The following SCNN1A variants were observed in gnomAD, a reference collection of about 807,000 sequenced individuals.
SCNN1A encodes epithelial sodium channel subunit alpha.
Under a neutral mutation model 68.6 loss-of-function variants are expected in SCNN1A, and 65 were observed. The ratio of observed to expected loss-of-function variants is 0.95; its 90% confidence interval spans 0.78 to 1.16. The LOEUF (loss-of-function observed/expected upper bound fraction) is 1.16. Among genes scored for constraint, SCNN1A ranks in the 50% most tolerant of loss-of-function variants. The pLI, the probability that SCNN1A is intolerant of heterozygous loss-of-function variation, is 0.00. For synonymous variants in SCNN1A, 357 were observed against 353.3 expected, an observed-to-expected ratio of 1.01 and a Z score of -0.12; for missense variants, 880 against 865.9, an observed-to-expected ratio of 1.02 and a Z score of -0.20.
At chr12:6,357,932 A>T (rs539278873) in intron 4 of SCNN1A, among the ~76,000 whole-genome samples, 2 of 152,274 alleles carry the variant, frequency 1.3e-5, no homozygotes, top group South Asian at 2.1e-4. Flanking sequence ...TGGGAGGTGG[A>T]GGTTGTCATG....
At position 6,348,777 on chromosome 12, in the gene SCNN1A, A is replaced by T. The variant is rs752700795; in HGVS notation, c.1579T>A (p.Phe527Ile). The T allele has an allele frequency of 1.1e-5, 17 of 1,613,760 alleles. No individual in the cohort carries two copies. Among genetic ancestry groups the T allele is most frequent in the Non-Finnish European group, 1.4e-5 (16 of 1,179,968 alleles). Residue 527 changes from phenylalanine to isoleucine, a missense_variant, in exon 12 of 13, where the codon TTC (phenylalanine) becomes ATC (isoleucine). Physicochemically the swap from Phe to Ile is conservative, Grantham distance 21. Coordinates refer to ENST00000228916, the MANE Select transcript of SCNN1A (RefSeq NM_001038.6). ...KRNGVAKVNI[F>I]FKELNYKTNS... is the part of the protein sequence containing the mutation. ...GTTTTGTAGTTCAGCTCCTTGAAGA[A>T]GATGTTGACTTTGGCCACTCCATTT...
Position 6,354,449 on chromosome 12 carries a change from T to G in SCNN1A, c.1349A>C (p.His450Pro). The part of the protein sequence containing the change: ...QNVEYCDYRK[H>P]SSWGYCYYKL... ...CCCTGGAGTCTCACCCCAGGAACTG[T>G]GCTTTCTGTAGTCACAGTACTCCAC... Residue 450 changes from histidine to proline, a missense_variant, in exon 8 of 13, where the codon CAC (histidine) becomes CCC (proline). His to Pro is a moderately conservative substitution (Grantham distance 77). This residue lies in a region of SCNN1A where 758 missense variants were observed against 721.8 expected (regional missense o/e 1.05). Transcript: ENST00000228916. 6.2e-7 allele frequency: 1 copy of G among 1,611,570 alleles called. No homozygotes were observed. The highest frequency in any genetic ancestry group is 8.5e-7 in the Non-Finnish European group (1 of 1,178,850).
Position 6,363,688 on chromosome 12 carries a change from G to T in SCNN1A, c.439C>A (p.Leu147Met). The T allele has an allele frequency of 3.1e-6, 5 of 1,601,656 alleles. No individual in the cohort carries two copies. The highest frequency in any genetic ancestry group is 4.3e-6 in the Non-Finnish European group (5 of 1,173,190). ...PYRYPEIKEE[L>M]EELDRITEQT... ...TCTGTGATGCGGTCCAGCTCCTCCA[G>T]CTCCTCTTTAATTTCCGGGTACCTG... The change falls in exon 3 of 13, where the codon CTG (leucine) becomes ATG (methionine). Residue 147 changes from leucine (L) to methionine (M), a missense_variant. Coordinates refer to ENST00000228916, the MANE Select transcript of SCNN1A (RefSeq NM_001038.6).
intron 5 of SCNN1A, 87 bp from the exon 6 acceptor site, chr12:6,355,522 C>G: frequency 6.7e-7 from 1 of 1,493,808 alleles, no homozygotes; most frequent in South Asian, 1.2e-5. Context: ...CTTCCTTGCC[C>G]AGTCTCTAAA....
At chr12:6,368,830 CG>C (rs1948724379) in intron 2 of SCNN1A, among the ~76,000 whole-genome samples, 1 of 152,160 alleles carries the variant, frequency 6.6e-6, no homozygotes, top group Non-Finnish European at 1.5e-5. Context: ...CTGTGTAACT[CG>C]GGGTAAGTGA....
At chr12:6,375,661 T>G, upstream of SCNN1A, 1 of 1,471,012 alleles carries the variant, frequency 6.8e-7, no homozygotes, top group Non-Finnish European at 9.0e-7. Context: ...GAAGGAGGGC[T>G]CCCGAGGGCA....
chr12:6,375,198 C>T, intron 1 of SCNN1A: 1 of 1,448,190 alleles, frequency 6.9e-7, no homozygotes, highest in African/African-American at 1.4e-5. Flanking sequence ...TCCTGCCTCT[C>T]ACTCCCTCTC....
chr12:6,355,201 C>T, intron 6 of SCNN1A, 71 bp downstream of exon 6: 2 of 1,532,892 alleles, frequency 1.3e-6, no homozygotes, highest in Non-Finnish European at 1.8e-6. Context: ...CCTCTCCAGC[C>T]TCCCATGCCT....
intron 6 of SCNN1A, 97 bp from the exon 7 acceptor site, chr12:6,354,945 G>T: frequency 9.7e-7 from 1 of 1,032,198 alleles, no homozygotes; most frequent in Non-Finnish European, 1.5e-6. Context: ...ACACCTGCCA[G>T]CCCCTCCTAC....
chr12:6,371,442 A>G (rs768765524), intron 2 of SCNN1A, among the ~76,000 whole-genome samples: 2 of 151,358 alleles, frequency 1.3e-5, no homozygotes, highest in Non-Finnish European at 2.9e-5. Flanking sequence ...TGTAATGGGT[A>G]AAAGAGCTTT....
intron 3 of SCNN1A, among the ~76,000 whole-genome samples, chr12:6,363,122 A>T (rs1250673393): frequency 7.0e-6 from 1 of 143,870 alleles, no homozygotes; most frequent in East Asian, 2.4e-4. Flanking sequence ...TGAATCAAGG[A>T]CCAGAAACAG....
intron 4 of SCNN1A, among the ~76,000 whole-genome samples, chr12:6,360,427 G>A (rs1290022040): frequency 5.9e-5 from 9 of 152,080 alleles, no homozygotes; most frequent in African/African-American, 1.9e-4. Flanking sequence ...ACAGAGCAAA[G>A]GGAGGCATCG....
intron 2 of SCNN1A, 153 bp from the exon 3 acceptor site, chr12:6,363,863 C>A (rs534610039): frequency 6.3e-6 from 4 of 638,264 alleles, no homozygotes; most frequent in Middle Eastern, 4.4e-4. Flanking sequence ...TCCTGGCCGT[C>A]CGGCGGTGAA....
At chr12:6,354,953 T>C (rs1948471025) in intron 6 of SCNN1A, 105 bp from the exon 7 acceptor site, 1 of 974,194 alleles carries the variant, frequency 1.0e-6, no homozygotes, top group Non-Finnish European at 1.6e-6. Context: ...CAGCCCCTCC[T>C]ACTGGCCTCG....
chr12:6,348,387 A>G (rs1948302379), intron 12 of SCNN1A, 134 bp from the exon 13 acceptor site: 1 of 1,528,956 alleles, frequency 6.5e-7, no homozygotes, highest in African/African-American at 1.4e-5. Flanking sequence ...GCCTCTCAGC[A>G]GCCCCCTGGG....
intron 2 of SCNN1A, 85 bp from the exon 3 acceptor site, chr12:6,363,795 C>T (rs1948626329): frequency 3.7e-6 from 5 of 1,338,794 alleles, no homozygotes; most frequent in East Asian, 2.6e-5. Flanking sequence ...TCATCTGTGC[C>T]CCGGGAGGCC....
chr12:6,377,102 G>A, upstream of SCNN1A: 1 of 604,192 alleles, frequency 1.7e-6, no homozygotes, highest in Non-Finnish European at 2.9e-6. Flanking sequence ...TGACAAGCAA[G>A]GAGTTTAGCA....
chr12:6,355,977 C>G, intron 4 of SCNN1A, 97 bp from the exon 5 acceptor site: 1 of 846,188 alleles, frequency 1.2e-6, no homozygotes, highest in Non-Finnish European at 2.1e-6. Flanking sequence ...CTCTTAAACT[C>G]CTACAGGACT....
Position 6,354,501 on chromosome 12 carries a change from A to G in SCNN1A, c.1297T>C (p.Tyr433His). 6.2e-7 allele frequency: 1 copy of G among 1,613,842 alleles called. No homozygotes were observed. The highest frequency in any genetic ancestry group is 8.5e-7 in the Non-Finnish European group (1 of 1,179,974). Residue 433 changes from tyrosine to histidine, a missense_variant, in exon 8 of 13, where the codon TAC (tyrosine) becomes CAC (histidine). Tyr to His is a moderately conservative substitution (Grantham distance 83). Around this residue, in one of 3 missense-constraint regions of SCNN1A, gnomAD observed 758 missense variants for 721.8 expected, o/e 1.05. Coordinates refer to ENST00000228916, the MANE Select transcript of SCNN1A (RefSeq NM_001038.6). ...ESMIKECGCAYIFYPRPQNVE... is the reference protein window; with the variant it reads ...ESMIKECGCAHIFYPRPQNVE... ...TTCTGGGGCCGCGGATAGAAGATGT[A>G]GGCACAGCCACACTCCTTGATCATG...
Sources: allele counts gnomAD v4.1 joint callset (sites outside exome capture counted in the v4.1 genomes callset), GRCh38; gene constraint gnomAD v4.1.1; regional missense constraint gnomAD v4.1.1; transcripts MANE v1.5; gene names NCBI Gene and HGNC (gene_info 2026-07-23, HGNC 2026-07-21).